PFKL: variants seen among roughly 807,000 people sequenced by gnomAD.
PFKL encodes the protein phosphofructokinase, liver type, also known as ATP-dependent 6-phosphofructokinase, liver type.
Under a neutral mutation model 92.1 loss-of-function variants are expected in PFKL, and 74 were observed. That is an observed-to-expected ratio of 0.80 (90% CI 0.67 to 0.97). PFKL has a LOEUF of 0.97. PFKL is among the 50% of genes least tolerant of loss of function. The pLI is 0.00. For missense variants in PFKL, 1,028 were observed against 1,116.6 expected (o/e 0.92, Z 1.13); for synonymous variants, 494 against 456.4 (o/e 1.08, Z -1.05).
chr21:44,310,992 A>G lies in PFKL; in HGVS notation c.160-14A>G, dbSNP rs780160250. ...GGGTCCCCTATCTCATGCCTGCCCC[A>G]CTCTTGATTTCAGGGCTATGAGGGC... On this transcript the variant is annotated splice_polypyrimidine_tract_variant and intron_variant, in intron 2 of 21. Coordinates refer to ENST00000349048, the MANE Select transcript of PFKL (RefSeq NM_002626.6). The G allele has an allele frequency of 6.2e-7, 1 of 1,608,346 alleles. No individual in the cohort carries two copies. Among genetic ancestry groups the G allele is most frequent in the Non-Finnish European group, 8.5e-7 (1 of 1,176,326 alleles).
rs1376201025 is a variant in PFKL at position 44,312,228 on chromosome 21, A to C, written c.361A>C (p.Ser121Arg). The C allele has an allele frequency of 6.3e-7, 1 of 1,599,366 alleles. No individual in the cohort carries two copies. The highest frequency in any genetic ancestry group is 1.7e-5 in the Admixed American group (1 of 58,568). Reference sequence around the variant, plus strand: ...CCTGTGCGTCATCGGCGGGGATGGCAGCCTCACAGGTGCCAACATCTTCCG... The same window carrying C: ...CCTGTGCGTCATCGGCGGGGATGGCCGCCTCACAGGTGCCAACATCTTCCG... ...TNLCVIGGDGSLTGANIFRSE... is the reference protein window; with the variant it reads ...TNLCVIGGDGRLTGANIFRSE... The change falls in exon 4 of 22, where the codon AGC (serine) becomes CGC (arginine). Residue 121 changes from serine to arginine, a missense_variant. Ser to Arg is a moderately radical substitution (Grantham distance 110, BLOSUM62 -1). Transcript: ENST00000349048.
intron 19 of PFKL, 182 bp downstream of exon 19, chr21:44,325,446 A>AAGGGGT (rs2047479359): frequency 1.7e-6 from 1 of 585,102 alleles, no homozygotes; most frequent in African/African-American, 2.0e-5. Flanking sequence ...TCATTTCAAG[A>AAGGGGT]AGGGGTGGGG....
intron 6 of PFKL, 79 bp downstream of exon 6, chr21:44,313,761 T>C: frequency 1.4e-6 from 2 of 1,447,902 alleles, no homozygotes; most frequent in East Asian, 2.4e-5. Flanking sequence ...ATATTTATTC[T>C]AGGGCTCAGT....
At chr21:44,326,589 G>A (rs947938988) in intron 21 of PFKL, 126 bp from the exon 22 acceptor site, 10 of 1,224,224 alleles carry the variant, frequency 8.2e-6, no homozygotes, top group African/African-American at 3.0e-5. Flanking sequence ...CACGGATACC[G>A]AGATGTTCAG....
rs752057016 is a variant in PFKL at position 44,326,254 on chromosome 21, A to C, written c.2185A>C (p.Thr729Pro). 1 of 1,609,864 alleles carries C rather than the reference A, an allele frequency of 6.2e-7. No homozygotes were observed. The highest frequency in any genetic ancestry group is 1.1e-5 in the South Asian group (1 of 90,852). The change falls in exon 21 of 22, where the codon ACT (threonine) becomes CCT (proline). Residue 729 changes from threonine to proline, a missense_variant. Thr to Pro is a conservative substitution (Grantham distance 38, BLOSUM62 -1). Coordinates refer to ENST00000349048, the MANE Select transcript of PFKL (RefSeq NM_002626.6). ...FSPVTELKKD[T>P]DFEHRMPREQ... is the part of the protein sequence containing the mutation. ...CCCCGTCACTGAGCTCAAGAAAGAC[A>C]CTGATTTCGAGTGAGTTCCACCAAA... is the stretch of plus-strand genomic sequence containing the variant.
chr21:44,304,250 C>A, intron 1 of PFKL: 2 of 1,289,182 alleles, frequency 1.6e-6, no homozygotes, highest in Non-Finnish European at 2.0e-6. Context: ...GACCCCTGAT[C>A]CTGGGGCCCC....
intron 1 of PFKL, among the ~76,000 whole-genome samples, chr21:44,306,136 G>A (rs1440222074): frequency 4.5e-5 from 3 of 66,940 alleles, no homozygotes; most frequent in African/African-American, 2.0e-4. Flanking sequence ...GGTGGGGCCG[G>A]TGTGGGAGGT....
intron 8 of PFKL, 35 bp downstream of exon 8, chr21:44,316,374 TGC>T: frequency 6.2e-7 from 1 of 1,609,584 alleles, no homozygotes; most frequent in Non-Finnish European, 8.5e-7. Flanking sequence ...ACTGGGCACC[TGC>T]TCCTCTAGGC....
In PFKL at chr21:44,317,392, C is replaced by T. The variant is rs189633676; in HGVS notation, c.936+868C>T. ...GAGGCTTCCTCAGAGAGGGGCCCCGCCGACCTAGCCAGGCAGCTGCTGTCC... is the reference window on the plus strand; with the variant it reads ...GAGGCTTCCTCAGAGAGGGGCCCCGTCGACCTAGCCAGGCAGCTGCTGTCC... On this transcript the variant is annotated intron_variant, in intron 9 of 21. Coordinates refer to ENST00000349048, the MANE Select transcript of PFKL (RefSeq NM_002626.6). 3.4e-3 allele frequency among the ~76,000 whole-genome samples: 515 copies of T among 152,328 alleles called. 4 individuals are homozygous for T. The highest frequency in any genetic ancestry group is 0.012 in the African/African-American group (495 of 41,580).
chr21:44,305,246 GGTTT>G, intron 1 of PFKL: 1 of 1,311,280 alleles, frequency 7.6e-7, no homozygotes, highest in Non-Finnish European at 1.0e-6. Context: ...CGATCCCTGG[GGTTT>G]CTCAAGGCGT....
At chr21:44,312,053 G>A (rs965407446) in intron 3 of PFKL, 52 bp from the exon 4 acceptor site, 4 of 1,352,092 alleles carry the variant, frequency 3.0e-6, no homozygotes, top group Non-Finnish European at 3.9e-6. Context: ...GATCCCCAGG[G>A]GCTGTCTGCC....
chr21:44,318,660 C>G lies in PFKL; in HGVS notation c.1062+65C>G, dbSNP rs962487244. On this transcript the variant is annotated intron_variant, in intron 10 of 21. Coordinates refer to ENST00000349048, the MANE Select transcript of PFKL (RefSeq NM_002626.6). ...TCTCCCCAGTCCCCACTCACAGGCC[C>G]CACTGCTCTCTGGGGGCCCCAGCAC... 5 of 1,363,668 alleles carry G rather than the reference C, an allele frequency of 3.7e-6. No homozygotes were observed. The South Asian group carries it at 7.1e-5, about 19-fold the overall frequency. The allele number at this position is 1,363,668 out of a possible 1,614,324, so 84.5% of individuals were successfully genotyped here. A position where few individuals can be genotyped will look rare whatever the true frequency, so the allele number is the denominator to read the frequency against.
chr21:44,305,824 G>A lies in PFKL; in HGVS notation c.86-857G>A, dbSNP rs768593041. ...GGAAACTGGCTTTGCCAAGGCCCCC[G>A]CTGGGACAGACTGTTTCTTTCACTG... is the stretch of plus-strand genomic sequence containing the variant. On this transcript the variant is annotated intron_variant, in intron 1 of 21. Coordinates refer to ENST00000349048, the MANE Select transcript of PFKL (RefSeq NM_002626.6). 1.2e-5 allele frequency: 17 copies of A among 1,366,782 alleles called. 1 individual carries two copies. The highest frequency in any genetic ancestry group is 9.1e-5 in the South Asian group (8 of 87,952). The allele number at this position is 1,366,782 out of a possible 1,614,324, so 84.7% of individuals were successfully genotyped here.
chr21:44,324,063 G>C (rs905453359), intron 16 of PFKL, 145 bp downstream of exon 16: 1 of 904,282 alleles, frequency 1.1e-6, no homozygotes, highest in Non-Finnish European at 1.7e-6. Context: ...AGGCCCGGGT[G>C]AAGGGGCTCA....
At chr21:44,309,193 G>T (rs1343102453) in intron 2 of PFKL, among the ~76,000 whole-genome samples, 1 of 152,154 alleles carries the variant, frequency 6.6e-6, no homozygotes, top group Non-Finnish European at 1.5e-5. Flanking sequence ...GCTTCCTTCA[G>T]CAGGGAGACC....
rs148438309 is a variant in PFKL at position 44,323,006 on chromosome 21, G to A, written c.1454G>A (p.Arg485His). 399 of 1,613,118 alleles carry A rather than the reference G, an allele frequency of 2.5e-4. 1 individual carries two copies. The highest frequency in any genetic ancestry group is 3.8e-4 in the Admixed American group (23 of 59,992). ...CTGGAGTCCATTGTGGAGAACATCC[G>A]CATCTATGGTATTCACGCCCTGCTG... ...GQLESIVENI[R>H]IYGIHALLVV... The change falls in exon 15 of 22, where the codon CGC becomes CAC. Residue 485 changes from arginine to histidine, a missense_variant. Transcript: ENST00000349048.
chr21:44,325,100 G>T (rs1020518596), intron 18 of PFKL, 53 bp from the exon 19 acceptor site: 44 of 1,355,740 alleles, frequency 3.2e-5, no homozygotes, highest in Middle Eastern at 1.8e-4. Flanking sequence ...ACTCAGGATC[G>T]GGGGGAGACC....
intron 13 of PFKL, 88 bp from the exon 14 acceptor site, chr21:44,322,045 C>G: frequency 6.7e-7 from 1 of 1,492,118 alleles, no homozygotes. Flanking sequence ...ATGCCCAACA[C>G]TGGCTGGCCC....
intron 19 of PFKL, 90 bp from the exon 20 acceptor site, chr21:44,325,871 G>A: frequency 1.1e-6 from 1 of 877,042 alleles, no homozygotes; most frequent in South Asian, 1.6e-5. Flanking sequence ...TGCCTGGGAG[G>A]CTCCCCGTGG....
Sources: allele counts gnomAD v4.1 joint callset (sites outside exome capture counted in the v4.1 genomes callset), GRCh38; gene constraint gnomAD v4.1.1; transcripts MANE v1.5; gene names NCBI Gene and HGNC (gene_info 2026-07-23, HGNC 2026-07-21).